The following ANKS6 variants were observed in gnomAD, a reference collection of about 807,000 sequenced individuals.
ANKS6 encodes the protein ankyrin repeat and sterile alpha motif domain containing 6, also known as ankyrin repeat and SAM domain-containing protein 6.
In ANKS6, 47 loss-of-function variants were observed where a neutral mutation model predicts 77.9. The observed-to-expected ratio is 0.60, with a 90% CI of 0.48 to 0.77. The LOEUF (loss-of-function observed/expected upper bound fraction) is 0.77. Ranked by LOEUF, ANKS6 falls within the 30% of genes least tolerant of loss-of-function variation. ANKS6 has a pLI of 0.00. For synonymous variants in ANKS6, 488 were observed against 501.7 expected (o/e 0.97, Z 0.37); for missense variants, 1,150 against 1,159.1 (o/e 0.99, Z 0.11).
chr9:98,774,319 G>A (rs916875576), intron 8 of ANKS6, among the ~76,000 whole-genome samples: 2 of 152,168 alleles, frequency 1.3e-5, no homozygotes, highest in African/African-American at 4.8e-5. Flanking sequence ...ATCAGAATGG[G>A]GCAGAGGAGA....
At chr9:98,743,727 G>C (rs910002694) in intron 14 of ANKS6, among the ~76,000 whole-genome samples, 15 of 152,182 alleles carry the variant, frequency 9.9e-5, no homozygotes, top group African/African-American at 3.4e-4. Context: ...GACTTCTGTG[G>C]CTTTCGTAAG....
At chr9:98,771,106 G>T (rs1213770427) in intron 9 of ANKS6, 60 bp from the exon 10 acceptor site, 3 of 1,427,314 alleles carry the variant, frequency 2.1e-6, no homozygotes, top group African/African-American at 1.5e-5. Context: ...AGCCGTGCAG[G>T]ATCACAGTGT....
intron 8 of ANKS6, among the ~76,000 whole-genome samples, chr9:98,775,135 G>A (rs1307717772): frequency 6.6e-6 from 1 of 152,226 alleles, no homozygotes; most frequent in Non-Finnish European, 1.5e-5. Flanking sequence ...AAACGGGGTT[G>A]AGTTGGAAAC....
chr9:98,760,046 TC>T (rs1380633491), intron 11 of ANKS6, among the ~76,000 whole-genome samples: 1 of 152,160 alleles, frequency 6.6e-6, no homozygotes, highest in Non-Finnish European at 1.5e-5. Context: ...CCAGATCTGA[TC>T]ACTATATAGT....
rs1588339062 is a variant in ANKS6 at position 98,751,062 on chromosome 9, A to T, written c.2361T>A (p.Leu787=). The T allele has an allele frequency of 1.2e-6, 2 of 1,610,166 alleles. No individual in the cohort carries two copies. The highest frequency in any genetic ancestry group is 1.7e-6 in the Non-Finnish European group (2 of 1,178,210). The change falls in exon 13 of 15, where the codon CTT becomes CTA. Residue 787 remains leucine, a synonymous_variant. Coordinates refer to ENST00000353234, the MANE Select transcript of ANKS6 (RefSeq NM_173551.5). The part of the protein sequence containing the change: ...ELTGILKKLS[L]EKYQPIFEEQ... The stretch of plus-strand genomic sequence containing the variant: ...CCTCAAAAATGGGCTGATATTTCTC[A>T]AGTGATAATTTCTTAAGGATTCCAG...
At chr9:98,772,966 G>C (rs1833718349) in intron 9 of ANKS6, among the ~76,000 whole-genome samples, 1 of 152,128 alleles carries the variant, frequency 6.6e-6, no homozygotes, top group Admixed American at 6.5e-5. Context: ...CATGGCAGTG[G>C]GATTCAGTTA....
intron 8 of ANKS6, among the ~76,000 whole-genome samples, chr9:98,776,066 G>C (rs1261145672): frequency 6.6e-6 from 1 of 152,090 alleles, no homozygotes; most frequent in Admixed American, 6.5e-5. Flanking sequence ...AGCGCTAAAG[G>C]GACTCAAGTC....
At chr9:98,754,233 G>A (rs1588345363) in intron 12 of ANKS6, among the ~76,000 whole-genome samples, 1 of 152,214 alleles carries the variant, frequency 6.6e-6, no homozygotes, top group East Asian at 1.9e-4. Flanking sequence ...CACCAGCCTT[G>A]CTGCTTCAAC....
chr9:98,732,276 A>G lies in ANKS6; in HGVS notation c.*4243T>C. 3.3e-6 allele frequency: 2 copies of G among 598,762 alleles called. No individual in the cohort carries two copies. Among genetic ancestry groups the G allele is most frequent in the Non-Finnish European group, 5.8e-6 (2 of 342,998 alleles). The allele number at this position is 598,762 out of a possible 1,614,324, so 37.1% of individuals were successfully genotyped here. ...AGTTGTCCAGCCTCCGGCCTGGCCC[A>G]TGTCTTCAGGCAGCTCTGAGGCAAG... is the stretch of plus-strand genomic sequence containing the variant. On this transcript the variant is annotated 3_prime_UTR_variant, in exon 15 of 15. Coordinates refer to ENST00000353234, the MANE Select transcript of ANKS6 (RefSeq NM_173551.5).
At position 98,734,377 on chromosome 9, in the gene ANKS6, C is replaced by A; in HGVS notation, c.*2142G>T. ...GTGTATCATTGTTCAATCAAACTTACCTGAGTGGAAGCTATACCAGTATAT... is the reference window on the plus strand; with the variant it reads ...GTGTATCATTGTTCAATCAAACTTAACTGAGTGGAAGCTATACCAGTATAT... On this transcript the variant is annotated 3_prime_UTR_variant, in exon 15 of 15. Coordinates refer to ENST00000353234, the MANE Select transcript of ANKS6 (RefSeq NM_173551.5). 2.0e-6 allele frequency: 2 copies of A among 985,422 alleles called. No individual in the cohort carries two copies. Among genetic ancestry groups the A allele is most frequent in the Non-Finnish European group, 1.2e-6 (1 of 829,968 alleles). The allele number at this position is 985,422 out of a possible 1,614,324, so 61.0% of individuals were successfully genotyped here.
intron 1 of ANKS6, among the ~76,000 whole-genome samples, chr9:98,794,329 G>T (rs755386323): frequency 6.6e-5 from 10 of 152,154 alleles, no homozygotes; most frequent in Non-Finnish European, 1.3e-4. Context: ...GTGTGGTTTT[G>T]AGCAGGATTC....
intron 9 of ANKS6, among the ~76,000 whole-genome samples, chr9:98,773,079 T>C (rs1664788870): frequency 6.6e-6 from 1 of 152,218 alleles, no homozygotes; most frequent in Non-Finnish European, 1.5e-5. Context: ...GGATGGGTTC[T>C]ACAACTCCCC....
chr9:98,760,818 T>C (rs928851268), intron 11 of ANKS6, among the ~76,000 whole-genome samples: 2 of 152,200 alleles, frequency 1.3e-5, no homozygotes, highest in Non-Finnish European at 2.9e-5. Flanking sequence ...ACATTTGGGA[T>C]GTTTCCAGTT....
intron 5 of ANKS6, among the ~76,000 whole-genome samples, chr9:98,780,696 G>A (rs972313472): frequency 2.0e-5 from 3 of 152,172 alleles, no homozygotes; most frequent in Non-Finnish European, 2.9e-5. Context: ...TTGTGCGTCT[G>A]TACAAGTCAG....
At chr9:98,773,289 C>A (rs1199277204) in intron 9 of ANKS6, among the ~76,000 whole-genome samples, 1 of 152,194 alleles carries the variant, frequency 6.6e-6, no homozygotes, top group African/African-American at 2.4e-5. Context: ...CAGCACATGG[C>A]GACAGGGTCA....
In ANKS6 at chr9:98,732,515, C is replaced by T. The variant is rs117005146; in HGVS notation, c.*4004G>A. 497 of 1,550,560 alleles carry T rather than the reference C, an allele frequency of 3.2e-4. 9 individuals are homozygous for T. The East Asian group carries it at 7.9e-3, about 25-fold the overall frequency. The stretch of plus-strand genomic sequence containing the variant: ...CACCTGAGCGGCTGCTACCTCTTGC[C>T]GGAGGCAGTTTCTTCTGGCCTCACC... On this transcript the variant is annotated 3_prime_UTR_variant, in exon 15 of 15. Transcript: ENST00000353234.
chr9:98,751,889 CT>C (rs1413986821), intron 12 of ANKS6, among the ~76,000 whole-genome samples: 1 of 152,116 alleles, frequency 6.6e-6, no homozygotes, highest in African/African-American at 2.4e-5. Context: ...AAAACCAGGC[CT>C]GGCACTATAA....
rs2118174412 is a variant in ANKS6, at chr9:98,790,170, G to A, written c.796C>T (p.Leu266=). ...VLEKTAFEVA[L]DCKHRDLVDY... ...ACAAGGTCCCTGTGCTTGCAGTCCA[G>A]TGCAACCTCGAAGGCGGTCTTCTCC... The change falls in exon 2 of 15, where the codon CTG becomes TTG. Residue 266 remains leucine, a synonymous_variant. Transcript: ENST00000353234. 6.3e-7 allele frequency: 1 copy of A among 1,599,330 alleles called. No homozygotes were observed. Among genetic ancestry groups the A allele is most frequent in the East Asian group, 2.3e-5 (1 of 44,386 alleles).
At chr9:98,737,711 TCCAC>T (rs1262395956) in intron 14 of ANKS6, among the ~76,000 whole-genome samples, 12 of 152,258 alleles carry the variant, frequency 7.9e-5, no homozygotes, top group Admixed American at 3.3e-4. Context: ...ACCATCATTC[TCCAC>T]AAAATTAGAA....
Sources: allele counts gnomAD v4.1 joint callset (sites outside exome capture counted in the v4.1 genomes callset), GRCh38; gene constraint gnomAD v4.1.1; transcripts MANE v1.5; gene names NCBI Gene and HGNC (gene_info 2026-07-23, HGNC 2026-07-21).